Variants in LGR5 observed in about 807,000 individuals in gnomAD.
LGR5 encodes the protein leucine-rich repeat-containing G protein-coupled receptor 5.
Under a neutral mutation model 76.7 loss-of-function variants are expected in LGR5, and 54 were observed. The ratio of observed to expected loss-of-function variants is 0.70; its 90% CI spans 0.57 to 0.88. The LOEUF is 0.88. LGR5 is among the 40% of genes least tolerant of loss of function. The pLI, the probability that LGR5 is intolerant of heterozygous loss-of-function variation, is 0.00. For missense variants in LGR5, 1,078 were observed against 1,073.3 expected (o/e 1.00, Z -0.06); for synonymous variants, 406 against 421.9 (o/e 0.96, Z 0.46).
intron 2 of LGR5, among the ~76,000 whole-genome samples, chr12:71,514,539 G>A (rs1326192231): frequency 6.9e-6 from 1 of 144,852 alleles, no homozygotes; most frequent in Non-Finnish European, 1.5e-5. Flanking sequence ...CTGCACTCCA[G>A]CCTGGGCGAA....
At position 71,559,640 on chromosome 12, in the gene LGR5, C is replaced by T; in HGVS notation, c.771C>T (p.Ser257=). The T allele has an allele frequency of 6.4e-7, 1 of 1,553,314 alleles. No homozygotes were observed. Among genetic ancestry groups the T allele is most frequent in the Non-Finnish European group, 8.9e-7 (1 of 1,125,686 alleles). The change falls in exon 7 of 18, where the codon TCC becomes TCT. Residue 257 remains serine, a synonymous_variant. Transcript: ENST00000266674. ...DEFPTAIRTL[S]NLKELGFHSN... ...TCCCCACTGCAATTAGGACACTCTCCAACCTTAAAGAACTGTAAGTATTTA... is the reference window on the plus strand; with the variant it reads ...TCCCCACTGCAATTAGGACACTCTCTAACCTTAAAGAACTGTAAGTATTTA...
chr12:71,553,733 A>G (rs761995828), intron 5 of LGR5, among the ~76,000 whole-genome samples: 5 of 152,186 alleles, frequency 3.3e-5, no homozygotes, highest in Non-Finnish European at 7.4e-5. Context: ...TAACTGCTCA[A>G]TGAGTTCTTT....
At chr12:71,441,037 G>C (rs1264071402) in intron 1 of LGR5, among the ~76,000 whole-genome samples, 1 of 152,146 alleles carries the variant, frequency 6.6e-6, no homozygotes, top group Non-Finnish European at 1.5e-5. Flanking sequence ...GGGAGGAAAG[G>C]GGAAGTGGGC....
chr12:71,513,557 C>T (rs1220021271), intron 2 of LGR5, among the ~76,000 whole-genome samples: 2 of 152,200 alleles, frequency 1.3e-5, no homozygotes, highest in African/African-American at 4.8e-5. Flanking sequence ...CAAATAACCT[C>T]CCTTTGGCCC....
intron 13 of LGR5, 22 bp downstream of exon 13, chr12:71,572,943 G>A (rs752125561): frequency 9.8e-5 from 155 of 1,577,248 alleles, no homozygotes; most frequent in Admixed American, 1.7e-4. Context: ...CTCCCAGTGC[G>A]TTCCCCAGCA....
intron 4 of LGR5, among the ~76,000 whole-genome samples, chr12:71,543,249 C>T (rs556634879): frequency 7.2e-5 from 11 of 152,344 alleles, no homozygotes; most frequent in African/African-American, 2.4e-4. Flanking sequence ...ACTCTTACCT[C>T]TGTACCCTGG....
chr12:71,548,309 G>GTGTGTGTGTT (rs1555173639), intron 4 of LGR5, among the ~76,000 whole-genome samples: 1 of 133,522 alleles, frequency 7.5e-6, no homozygotes, highest in Non-Finnish European at 1.7e-5. Context: ...CACTGTGTGT[G>GTGTGTGTGTT]TGTGTGTGTG....
intron 1 of LGR5, among the ~76,000 whole-genome samples, chr12:71,463,457 A>G (rs1036870583): frequency 6.6e-6 from 1 of 152,180 alleles, no homozygotes; most frequent in Non-Finnish European, 1.5e-5. Flanking sequence ...ACAAATTACT[A>G]AGTCTCTCTA....
chr12:71,543,784 A>C (rs1002355654), intron 4 of LGR5, among the ~76,000 whole-genome samples: 1 of 152,198 alleles, frequency 6.6e-6, no homozygotes, highest in African/African-American at 2.4e-5. Context: ...AATTAACTAG[A>C]CAGTGGAAAT....
chr12:71,541,318 G>A (rs1464839577), intron 4 of LGR5, among the ~76,000 whole-genome samples: 1 of 152,150 alleles, frequency 6.6e-6, no homozygotes, highest in Non-Finnish European at 1.5e-5. Flanking sequence ...CTTATATCAG[G>A]TTACCTGCCA....
At chr12:71,572,492 A>AG (rs1355927016) in intron 12 of LGR5, among the ~76,000 whole-genome samples, 1 of 152,230 alleles carries the variant, frequency 6.6e-6, no homozygotes, top group African/African-American at 2.4e-5. Flanking sequence ...AGGGAAAAAA[A>AG]CAAAGCAAAT....
chr12:71,448,724 G>T (rs1474683282), intron 1 of LGR5: 2 of 152,136 alleles, frequency 1.3e-5, no homozygotes, highest in African/African-American at 4.8e-5. Context: ...ATTCCTTAAT[G>T]AACTATTTTG....
chr12:71,516,996 C>CAGCAT (rs2137327159), intron 2 of LGR5, among the ~76,000 whole-genome samples: 1 of 115,640 alleles, frequency 8.6e-6, no homozygotes, highest in Admixed American at 8.8e-5. Flanking sequence ...ATTTTAGAAA[C>CAGCAT]AGCATTAAAA....
chr12:71,484,155 A>T (rs1873728651), intron 1 of LGR5, among the ~76,000 whole-genome samples: 1 of 152,212 alleles, frequency 6.6e-6, no homozygotes, highest in South Asian at 2.1e-4. Flanking sequence ...TATTGATGTC[A>T]TGTGGCTAAA....
At chr12:71,509,291 T>A (rs1160769853) in intron 2 of LGR5, among the ~76,000 whole-genome samples, 2 of 152,206 alleles carry the variant, frequency 1.3e-5, no homozygotes, top group African/African-American at 4.8e-5. Flanking sequence ...CTATATTCTG[T>A]ATATACAGTT....
Position 71,524,472 on chromosome 12 carries a change from A to T in LGR5, c.351A>T (p.Lys117Asn). 1 of 1,605,502 alleles carries T rather than the reference A, an allele frequency of 6.2e-7. No homozygotes were observed. ...CATTCACTGGCCTTTACAGTCTTAAAGTTCTGTAAGTAAACTGAGTGTTGT... is the reference window on the plus strand; with the variant it reads ...CATTCACTGGCCTTTACAGTCTTAATGTTCTGTAAGTAAACTGAGTGTTGT... The part of the protein sequence containing the change: ...KGAFTGLYSL[K>N]VLMLQNNQLR... Residue 117 changes from lysine (K) to asparagine (N), a missense_variant, in exon 3 of 18, where the codon AAA becomes AAT. Lys to Asn is a moderately conservative substitution (Grantham distance 94). Transcript: ENST00000266674.
At chr12:71,463,789 A>G (rs1365990289) in intron 1 of LGR5, among the ~76,000 whole-genome samples, 1 of 152,032 alleles carries the variant, frequency 6.6e-6, no homozygotes, top group Non-Finnish European at 1.5e-5. Context: ...TCTACAGGTT[A>G]TTGGCATATA....
chr12:71,442,288 T>C (rs999865078), intron 1 of LGR5, among the ~76,000 whole-genome samples: 1 of 152,194 alleles, frequency 6.6e-6, no homozygotes, highest in African/African-American at 2.4e-5. Flanking sequence ...GTGTCCTCCA[T>C]GTGCTCAGGG....
At chr12:71,549,037 C>T (rs1039758526) in intron 4 of LGR5, among the ~76,000 whole-genome samples, 1 of 152,142 alleles carries the variant, frequency 6.6e-6, no homozygotes, top group African/African-American at 2.4e-5. Flanking sequence ...ATTTTTCAAG[C>T]ATATGAATAG....
Sources: allele counts gnomAD v4.1 joint callset (sites outside exome capture counted in the v4.1 genomes callset), GRCh38; gene constraint gnomAD v4.1.1; transcripts MANE v1.5; gene names NCBI Gene and HGNC (gene_info 2026-07-23, HGNC 2026-07-21).